Variants in PTPN6 observed in about 807,000 individuals in gnomAD.
PTPN6 encodes the protein tyrosine-protein phosphatase non-receptor type 6.
Under a neutral mutation model 81.5 loss-of-function variants are expected in PTPN6, and 18 were observed. That is an observed-to-expected ratio of 0.22 (90% confidence interval 0.15 to 0.33). The LOEUF (loss-of-function observed/expected upper bound fraction) is 0.33. Ranked by LOEUF, PTPN6 falls within the 10% of genes least tolerant of loss-of-function variation. The probability of loss-of-function intolerance (pLI) is 1.00; values close to 1 mark genes in which losing one functional copy is unlikely to be tolerated. For synonymous variants in PTPN6, 301 were observed against 310.9 expected (o/e 0.97, Z 0.33); for missense variants, 500 against 794.2 (o/e 0.63, Z 4.45).
In PTPN6 at chr12:6,952,308, G is replaced by A. The variant is rs1306076937; in HGVS notation, c.326+131G>A. On this transcript the variant is annotated intron_variant, in intron 3 of 15. Coordinates refer to ENST00000318974, the MANE Select transcript of PTPN6 (RefSeq NM_002831.6). This position sits in a 1 kb window ranked among gnomAD's most constrained non-coding sequence, Gnocchi z 8.1. ...TCCCCTCCCCTCCCTGCACCAGCTGGGGCTCTCAATGTCCCTCCTCCCTGC... is the reference window on the plus strand; with the variant it reads ...TCCCCTCCCCTCCCTGCACCAGCTGAGGCTCTCAATGTCCCTCCTCCCTGC... 5.6e-6 allele frequency: 6 copies of A among 1,076,544 alleles called. No individual in the cohort carries two copies. Among genetic ancestry groups the A allele is most frequent in the South Asian group, 1.3e-5 (1 of 74,662 alleles). The allele number at this position is 1,076,544 out of a possible 1,614,324, so 66.7% of individuals were successfully genotyped here.
At position 6,959,716 on chromosome 12, in the gene PTPN6, C is replaced by T. The variant is rs1037965447; in HGVS notation, c.1362-211C>T. ...AGGATGGTGGCAGCTGGGGAGCCAG[C>T]GTCAGCACCGCAGAGCCCGAGGTGG... On this transcript the variant is annotated intron_variant, in intron 11 of 15. Transcript: ENST00000318974. This position sits in a 1 kb window ranked among gnomAD's most constrained non-coding sequence, Gnocchi z 6.6. 19 of 614,984 alleles carry T rather than the reference C, an allele frequency of 3.1e-5. No homozygotes were observed. The highest frequency in any genetic ancestry group is 4.4e-4 in the Middle Eastern group (1 of 2,294). The allele number at this position is 614,984 out of a possible 1,614,324, so 38.1% of individuals were successfully genotyped here.
chr12:6,955,052 G>A lies in PTPN6; in HGVS notation c.516+58G>A. On this transcript the variant is annotated intron_variant, in intron 4 of 15. Coordinates refer to ENST00000318974, the MANE Select transcript of PTPN6 (RefSeq NM_002831.6). This position sits in a 1 kb window ranked among gnomAD's most constrained non-coding sequence, Gnocchi z 7.2. ...TGAGGCTCCTGTCTGTGACCACAGT[G>A]TGGGTGGCAGGGAGGGTCTGCCTGG... The A allele has an allele frequency of 6.2e-7, 1 of 1,609,960 alleles. No individual in the cohort carries two copies. Among genetic ancestry groups the A allele is most frequent in the Non-Finnish European group, 8.5e-7 (1 of 1,176,338 alleles).
Position 6,955,009 on chromosome 12 carries a change from C to G in PTPN6, c.516+15C>G, listed in dbSNP as rs372937535. The G allele has an allele frequency of 5.6e-6, 9 of 1,613,814 alleles. No homozygotes were observed. The South Asian group carries it at 9.9e-5, about 18-fold the overall frequency. ...TCATGTGCGAGGTAAGGCAGCCAGG[C>G]GGCGGGGGAGCCTCTGCTGAGGCTC... On this transcript the variant is annotated intron_variant, in intron 4 of 15. Transcript: ENST00000318974. The surrounding 1 kb of genome is among the most constrained non-coding windows in gnomAD (Gnocchi z 7.2).
Position 6,957,668 on chromosome 12 carries a change from A to G in PTPN6, c.1089A>G (p.Pro363=). The G allele has an allele frequency of 8.2e-7, 1 of 1,215,890 alleles. No homozygotes were observed. The highest frequency in any genetic ancestry group is 1.1e-6 in the Non-Finnish European group (1 of 882,462). 75.3% of individuals were successfully genotyped at this position (1,215,890 alleles called of 1,614,324 possible). A position where few individuals can be genotyped will look rare whatever the true frequency, so the allele number is the denominator to read the frequency against. Residue 363 remains proline (P), a synonymous_variant, in exon 10 of 16, where the codon CCA becomes CCG. Transcript: ENST00000318974. This position sits in a 1 kb window ranked among gnomAD's most constrained non-coding sequence, Gnocchi z 6.5. ...EVEKGRNKCV[P]YWPEVGMQRA... is the part of the protein sequence containing the mutation. ...TCCCTTTCCAGAACAAATGCGTCCC[A>G]TACTGGCCCGAGGTGGGCATGCAGC... is the stretch of plus-strand genomic sequence containing the variant.
upstream of PTPN6, among the ~76,000 whole-genome samples, chr12:6,950,991 G>A (rs1479516665): frequency 6.6e-6 from 1 of 152,212 alleles, no homozygotes; most frequent in Non-Finnish European, 1.5e-5. Flanking sequence ...GGACTCACTC[G>A]ATGACAGTTG....
rs1565583247 is a variant in PTPN6 at position 6,957,106 on chromosome 12, T to C, written c.1074+538T>C. On this transcript the variant is annotated intron_variant, in intron 9 of 15. Coordinates refer to ENST00000318974, the MANE Select transcript of PTPN6 (RefSeq NM_002831.6). The surrounding 1 kb of genome is among the most constrained non-coding windows in gnomAD (Gnocchi z 6.5). ...TCACCGCCCCCAGCAGCCCCAGCTC[T>C]TTCAGGTTCCCAGCCTTTCTTTGCA... 2.0e-5 allele frequency among the ~76,000 whole-genome samples: 3 copies of C among 152,216 alleles called. No individual in the cohort carries two copies.
upstream of PTPN6, among the ~76,000 whole-genome samples, chr12:6,950,064 G>C (rs1261173078): frequency 6.8e-6 from 1 of 147,294 alleles, no homozygotes; most frequent in Non-Finnish European, 1.5e-5. Context: ...ACAGGCGTGA[G>C]CCACTGCGCC....
rs1946056210 is a variant in PTPN6, at chr12:6,957,684, G to A, written c.1105G>A (p.Gly369Ser). 6.2e-7 allele frequency: 1 copy of A among 1,613,870 alleles called. No individual in the cohort carries two copies. The highest frequency in any genetic ancestry group is 8.5e-7 in the Non-Finnish European group (1 of 1,179,938). Residue 369 changes from glycine to serine, a missense_variant, in exon 10 of 16, where the codon GGC becomes AGC. Coordinates refer to ENST00000318974, the MANE Select transcript of PTPN6 (RefSeq NM_002831.6). This position sits in a 1 kb window ranked among gnomAD's most constrained non-coding sequence, Gnocchi z 6.5. ...NKCVPYWPEV[G>S]MQRAYGPYSV... ...ATGCGTCCCATACTGGCCCGAGGTG[G>A]GCATGCAGCGTGCTTATGGGCCCTA...
rs782570503 is a variant in PTPN6 at position 6,957,733 on chromosome 12, A to G, written c.1154A>G (p.His385Arg). 3.7e-6 allele frequency: 6 copies of G among 1,611,002 alleles called. No homozygotes were observed. In the East Asian group the frequency reaches 1.3e-4, roughly 36 times the overall value. ...TACTCTGTGACCAACTGCGGGGAGC[A>G]TGACACAACCGAATACAAACTCCGT... The part of the protein sequence containing the change: ...GPYSVTNCGE[H>R]DTTEYKLRTL... The change falls in exon 10 of 16, where the codon CAT (histidine) becomes CGT (arginine). Residue 385 changes from histidine (H) to arginine (R), a missense_variant. By Grantham distance (29) the His-to-Arg change is conservative. Around this residue, in one of 6 missense-constraint regions of PTPN6, gnomAD observed 226 missense variants for 364.4 expected, o/e 0.62. Coordinates refer to ENST00000318974, the MANE Select transcript of PTPN6 (RefSeq NM_002831.6). This position sits in a 1 kb window ranked among gnomAD's most constrained non-coding sequence, Gnocchi z 6.5.
In PTPN6 at chr12:6,956,548, C is replaced by T; in HGVS notation, c.1054C>T (p.Arg352Ter). ...ENSRVIVMTT[R>*]EVEKGRNKCV... ...CAGCCGTGTCATCGTCATGACCACC[C>T]GAGAGGTGGAGAAAGGCCGGGTAGG... The change falls in exon 9 of 16, where the codon CGA (arginine) becomes TGA (stop). Residue 352 changes from arginine to a stop codon, truncating the protein, a stop_gained. Transcript: ENST00000318974. LOFTEE classifies it high-confidence loss of function. This position sits in a 1 kb window ranked among gnomAD's most constrained non-coding sequence, Gnocchi z 4.1. The T allele has an allele frequency of 1.2e-6, 2 of 1,613,872 alleles. No homozygotes were observed. The highest frequency in any genetic ancestry group is 1.7e-6 in the Non-Finnish European group (2 of 1,180,008).
chr12:6,946,619 T>C, upstream of PTPN6: 1 of 892,190 alleles, frequency 1.1e-6, no homozygotes, highest in South Asian at 1.4e-5. Context: ...GGCTGATTAC[T>C]GAGCGGTTCT....
chr12:6,959,786 C>A lies in PTPN6; in HGVS notation c.1362-141C>A. On this transcript the variant is annotated intron_variant, in intron 11 of 15. Transcript: ENST00000318974. The surrounding 1 kb of genome is among the most constrained non-coding windows in gnomAD (Gnocchi z 6.6). ...GGGCAAACCTCCATCATCACTTGCC[C>A]GGTGACCCTGGGCACATTCCCTCCC... The A allele has an allele frequency of 2.2e-6, 2 of 892,074 alleles. No individual in the cohort carries two copies. Among genetic ancestry groups the A allele is most frequent in the South Asian group, 1.4e-5 (1 of 71,940 alleles). 55.3% of individuals were successfully genotyped at this position (892,074 alleles called of 1,614,324 possible). A position where few individuals can be genotyped will look rare whatever the true frequency, so the allele number is the denominator to read the frequency against.
upstream of PTPN6, among the ~76,000 whole-genome samples, chr12:6,949,135 C>G (rs1945884690): frequency 6.6e-6 from 1 of 152,092 alleles, no homozygotes. Context: ...GTCCCTGATC[C>G]CGTCTGTGGT....
rs782159374 is a variant in PTPN6 at position 6,957,300 on chromosome 12, G to A, written c.1075-354G>A. On this transcript the variant is annotated intron_variant, in intron 9 of 15. Transcript: ENST00000318974. The surrounding 1 kb of genome is among the most constrained non-coding windows in gnomAD (Gnocchi z 6.5). ...CTTTCCCAGCCACGCTCCTCAGCGC[G>A]GTGTCTCCCCCGGTCACCTGTCTCT... is the stretch of plus-strand genomic sequence containing the variant. Among the ~76,000 whole-genome samples the A allele has an allele frequency of 3.3e-5, 5 of 152,296 alleles. No homozygotes were observed. The highest frequency in any genetic ancestry group is 5.9e-5 in the Non-Finnish European group (4 of 68,022).
Position 6,955,335 on chromosome 12 carries a change from C to A in PTPN6, c.634-37C>A. 6.2e-7 allele frequency: 1 copy of A among 1,611,096 alleles called. No homozygotes were observed. ...TCCCCCAGATGTGAGCTTCTGGGAT[C>A]TCTGAGTTGCTGACTTCTCGCTCTT... On this transcript the variant is annotated intron_variant, in intron 5 of 15. Transcript: ENST00000318974. This position sits in a 1 kb window ranked among gnomAD's most constrained non-coding sequence, Gnocchi z 7.2.
At position 6,959,496 on chromosome 12, in the gene PTPN6, C is replaced by A; in HGVS notation, c.1362-431C>A. ...TGTCTCAGGGCTATCCTTTCCCTGA[C>A]GTCAGGGTTTGAAGGAAAAGGGAAG... On this transcript the variant is annotated intron_variant, in intron 11 of 15. Coordinates refer to ENST00000318974, the MANE Select transcript of PTPN6 (RefSeq NM_002831.6). This position sits in a 1 kb window ranked among gnomAD's most constrained non-coding sequence, Gnocchi z 6.6. The A allele has an allele frequency of 3.3e-6, 1 of 301,028 alleles. No individual in the cohort carries two copies. The highest frequency in any genetic ancestry group is 6.5e-6 in the Non-Finnish European group (1 of 154,398). 18.6% of individuals were successfully genotyped at this position (301,028 alleles called of 1,614,324 possible).
At chr12:6,946,849 G>A, upstream of PTPN6, 1 of 1,239,560 alleles carries the variant, frequency 8.1e-7, no homozygotes, top group Non-Finnish European at 1.2e-6. Flanking sequence ...ATCTGCCGCT[G>A]CCCTGCGCCT....
upstream of PTPN6, among the ~76,000 whole-genome samples, chr12:6,947,943 C>T (rs753659270): frequency 3.3e-5 from 5 of 152,130 alleles, no homozygotes; most frequent in Non-Finnish European, 5.9e-5. Context: ...CCTAGTGGAG[C>T]GGAGGCAGGG....
chr12:6,946,809 C>T, upstream of PTPN6: 1 of 1,472,098 alleles, frequency 6.8e-7, no homozygotes, highest in East Asian at 2.4e-5. Flanking sequence ...TTTGTTGATG[C>T]TCACTCCGAC....
Sources: allele counts gnomAD v4.1 joint callset (sites outside exome capture counted in the v4.1 genomes callset), GRCh38; gene constraint gnomAD v4.1.1; regional missense constraint gnomAD v4.1.1; non-coding constraint Gnocchi (gnomAD v3.1); transcripts MANE v1.5; gene names NCBI Gene and HGNC (gene_info 2026-07-23, HGNC 2026-07-21).